The following CXADR variants were observed in gnomAD, a reference collection of about 807,000 sequenced individuals.
The protein encoded by CXADR is coxsackievirus and adenovirus receptor.
CXADR carries 20 observed loss-of-function variants against 40.3 expected under a neutral mutation model. That is an observed-to-expected ratio of 0.50 (90% CI 0.35 to 0.72). The LOEUF is 0.72. CXADR is among the 30% of genes least tolerant of loss of function. The pLI is 0.01. For synonymous variants in CXADR, 150 were observed against 161.3 expected, an observed-to-expected ratio of 0.93 and a Z score of 0.53; for missense variants, 332 against 449.1, an observed-to-expected ratio of 0.74 and a Z score of 2.36.
At chr21:17,599,466 C>T in the CXADR span, among the ~76,000 whole-genome samples, 1 of 145,664 alleles carries the variant, frequency 6.9e-6, no homozygotes, top group African/African-American at 2.6e-5. Flanking sequence ...AGGCATGCGC[C>T]ACTGGCTGAT....
the CXADR span, among the ~76,000 whole-genome samples, chr21:17,610,075 A>C: frequency 2.6e-5 from 4 of 152,216 alleles, no homozygotes; most frequent in African/African-American, 9.6e-5. Context: ...GCCAGTCACA[A>C]ATGACCACAT....
At chr21:17,632,963 G>A in the CXADR span, among the ~76,000 whole-genome samples, 21 of 152,190 alleles carry the variant, frequency 1.4e-4, no homozygotes, top group Non-Finnish European at 2.6e-4. Context: ...GTGTTCCCAA[G>A]GTTTAGGTGG....
At chr21:17,619,119 A>G in the CXADR span, among the ~76,000 whole-genome samples, 1 of 152,252 alleles carries the variant, frequency 6.6e-6, no homozygotes, top group African/African-American at 2.4e-5. Context: ...TTTCTAGAAC[A>G]TAAGCAGAGA....
intron 3 of CXADR, 47 bp downstream of exon 3, chr21:17,552,000 A>G (rs2060975386): frequency 7.1e-7 from 1 of 1,413,480 alleles, no homozygotes; most frequent in African/African-American, 1.4e-5. Flanking sequence ...TAAGAGAATG[A>G]TTAGTCATAG....
intron 1 of CXADR, among the ~76,000 whole-genome samples, chr21:17,513,373 C>A (rs1177049195): frequency 6.6e-6 from 1 of 151,426 alleles, no homozygotes; most frequent in African/African-American, 2.4e-5. Flanking sequence ...TAGGGAGCCG[C>A]GCAGGGCGCG....
At chr21:17,594,379 C>T (rs2061476609), downstream of CXADR, 1 of 1,563,960 alleles carries the variant, frequency 6.4e-7, no homozygotes, top group Non-Finnish European at 8.6e-7. Flanking sequence ...AAAAAATCAT[C>T]ATCTATGTTC....
At position 17,550,132 on chromosome 21, in the gene CXADR, G is replaced by A. The variant is rs557504471; in HGVS notation, c.211-1617G>A. On this transcript the variant is annotated intron_variant, in intron 2 of 6. Transcript: ENST00000284878. The stretch of plus-strand genomic sequence containing the variant: ...AGCACTTTGGGAGGCCGAGGCAGGC[G>A]GATCACAAGGTCAGGAGTTCGAGAC... Among the ~76,000 whole-genome samples, 12 of 152,180 alleles carry A rather than the reference G, an allele frequency of 7.9e-5. No homozygotes were observed. In the East Asian group the frequency reaches 1.7e-3, roughly 22 times the overall value.
chr21:17,573,070 T>G (rs1229057317), downstream of CXADR, among the ~76,000 whole-genome samples: 1 of 152,158 alleles, frequency 6.6e-6, no homozygotes, highest in Non-Finnish European at 1.5e-5. Context: ...TTGGCAAGAT[T>G]GGTTCCTTCT....
At chr21:17,521,154 G>A (rs1242014744) in intron 1 of CXADR, among the ~76,000 whole-genome samples, 1 of 152,132 alleles carries the variant, frequency 6.6e-6, no homozygotes, top group African/African-American at 2.4e-5. Context: ...GCAGCTGGGA[G>A]TAAGAAGGAG....
At chr21:17,574,467 G>A (rs1848911285), downstream of CXADR, among the ~76,000 whole-genome samples, 1 of 152,162 alleles carries the variant, frequency 6.6e-6, no homozygotes, top group African/African-American at 2.4e-5. Flanking sequence ...AACTGTGTGG[G>A]AAATTATGAT....
chr21:17,595,356 A>T (rs1011792105), downstream of CXADR, among the ~76,000 whole-genome samples: 1 of 151,946 alleles, frequency 6.6e-6, no homozygotes, highest in Admixed American at 6.6e-5. Flanking sequence ...AGAAAATTCA[A>T]AAAGTACAAA....
At chr21:17,551,171 G>C (rs1248838264) in intron 2 of CXADR, among the ~76,000 whole-genome samples, 1 of 152,128 alleles carries the variant, frequency 6.6e-6, no homozygotes, top group Non-Finnish European at 1.5e-5. Flanking sequence ...AAGCCAAGGC[G>C]GGTGGATCCC....
intron 7 of CXADR, chr21:17,576,704 C>T (rs1260224611): frequency 6.6e-6 from 1 of 152,034 alleles, no homozygotes; most frequent in Non-Finnish European, 1.5e-5. Flanking sequence ...TACAGTAACT[C>T]GGAAGTAGTC....
chr21:17,635,843 A>G, the CXADR span, among the ~76,000 whole-genome samples: 34 of 152,312 alleles, frequency 2.2e-4, no homozygotes, highest in Non-Finnish European at 4.4e-4. Flanking sequence ...TGGGATTTCT[A>G]TTAGAATGCC....
chr21:17,632,738 A>G, the CXADR span, among the ~76,000 whole-genome samples: 2 of 152,046 alleles, frequency 1.3e-5, no homozygotes, highest in African/African-American at 4.8e-5. Flanking sequence ...GCGTGGGGGC[A>G]GGCGCCTGTA....
chr21:17,516,801 A>G (rs1370315191), intron 1 of CXADR, among the ~76,000 whole-genome samples: 4 of 129,056 alleles, frequency 3.1e-5, no homozygotes, highest in Admixed American at 8.9e-5. Context: ...GAAAATTGCT[A>G]TGAGTGGATT....
At chr21:17,537,329 C>T (rs2060771587) in intron 1 of CXADR, among the ~76,000 whole-genome samples, 1 of 152,128 alleles carries the variant, frequency 6.6e-6, no homozygotes, top group Non-Finnish European at 1.5e-5. Flanking sequence ...GTGCAATTTC[C>T]CTTCTCTTAT....
intron 7 of CXADR, chr21:17,593,082 G>A: frequency 8.0e-7 from 1 of 1,245,202 alleles, no homozygotes; most frequent in Non-Finnish European, 1.0e-6. Context: ...GCTGATCTTA[G>A]TTTTTAAAAA....
the CXADR span, chr21:17,611,897 T>C: frequency 6.6e-6 from 1 of 152,236 alleles, no homozygotes; most frequent in African/African-American, 2.4e-5. Context: ...GGAACACATT[T>C]TTCTCCTGAT....
Sources: allele counts gnomAD v4.1 joint callset (sites outside exome capture counted in the v4.1 genomes callset), GRCh38; gene constraint gnomAD v4.1.1; transcripts MANE v1.5; gene names NCBI Gene and HGNC (gene_info 2026-07-23, HGNC 2026-07-21).